The following GLIS3 variants were observed in gnomAD, a reference collection of about 807,000 sequenced individuals.
GLIS3 encodes the protein zinc finger protein GLIS3.
Under a neutral mutation model 78.6 loss-of-function variants are expected in GLIS3, and 53 were observed. That is an observed-to-expected ratio of 0.67 (90% CI 0.54 to 0.85). The LOEUF is 0.85. Ranked by LOEUF, GLIS3 falls within the 40% of genes least tolerant of loss-of-function variation. The probability of loss-of-function intolerance (pLI) is 0.00; values close to 1 mark genes in which losing one functional copy is unlikely to be tolerated. For missense variants in GLIS3, 1,703 were observed against 1,231.1 expected, an observed-to-expected ratio of 1.38 and a Z score of -5.74; for synonymous variants, 684 against 509.9, an observed-to-expected ratio of 1.34 and a Z score of -4.60.
chr9:4,315,072 G>A (rs779840500), intron 2 of GLIS3, among the ~76,000 whole-genome samples: 16 of 152,140 alleles, frequency 1.1e-4, no homozygotes, highest in Non-Finnish European at 2.1e-4. Context: ...GCTCTTCTGT[G>A]TACTGACTCA....
the GLIS3 span, among the ~76,000 whole-genome samples, chr9:4,378,897 A>G: frequency 6.6e-6 from 1 of 152,204 alleles, no homozygotes; most frequent in African/African-American, 2.4e-5. Context: ...TCTATGAGGT[A>G]CATCTGAGCC....
chr9:3,892,795 C>G (rs1270624470), intron 7 of GLIS3, among the ~76,000 whole-genome samples: 1 of 152,118 alleles, frequency 6.6e-6, no homozygotes, highest in Admixed American at 6.6e-5. Flanking sequence ...GGTCTATAAC[C>G]TCTTAACCAT....
chr9:4,394,799 C>A, the GLIS3 span, among the ~76,000 whole-genome samples: 1 of 152,134 alleles, frequency 6.6e-6, no homozygotes, highest in Non-Finnish European at 1.5e-5. Context: ...AAATTATAAC[C>A]TCATAAGCTC....
At chr9:4,284,700 C>G (rs1239798018) in intron 2 of GLIS3, among the ~76,000 whole-genome samples, 1 of 149,634 alleles carries the variant, frequency 6.7e-6, no homozygotes, top group Non-Finnish European at 1.5e-5. Flanking sequence ...CACTTGAGCT[C>G]AGGAGTTGGA....
At chr9:4,168,956 T>C (rs1268043463) in intron 2 of GLIS3, among the ~76,000 whole-genome samples, 1 of 152,240 alleles carries the variant, frequency 6.6e-6, no homozygotes, top group Non-Finnish European at 1.5e-5. Flanking sequence ...AGAAAAAATA[T>C]GAGTTATTTA....
At chr9:4,222,655 AG>A (rs1417001233) in intron 2 of GLIS3, among the ~76,000 whole-genome samples, 1 of 152,220 alleles carries the variant, frequency 6.6e-6, no homozygotes, top group African/African-American at 2.4e-5. Flanking sequence ...TTGGATGTGA[AG>A]GTCAAAGAAC....
chr9:3,923,036 T>C (rs529179347), intron 6 of GLIS3, among the ~76,000 whole-genome samples: 1 of 152,322 alleles, frequency 6.6e-6, no homozygotes, highest in Admixed American at 6.5e-5. Context: ...TCTCTCATGA[T>C]AGCATTTTGG....
chr9:4,112,354 G>A (rs1394284805), intron 4 of GLIS3, among the ~76,000 whole-genome samples: 1 of 152,154 alleles, frequency 6.6e-6, no homozygotes, highest in Non-Finnish European at 1.5e-5. Flanking sequence ...ATTACTGTCA[G>A]GCCATTGAGA....
intron 4 of GLIS3, among the ~76,000 whole-genome samples, chr9:4,116,067 C>G (rs1367307890): frequency 6.6e-6 from 1 of 152,164 alleles, no homozygotes; most frequent in Non-Finnish European, 1.5e-5. Flanking sequence ...AGTTATATGT[C>G]TTTGCAAAGC....
chr9:4,357,241 G>C, the GLIS3 span, among the ~76,000 whole-genome samples: 507 of 152,292 alleles, frequency 3.3e-3, 4 homozygotes, highest in African/African-American at 0.012. Context: ...CTGTGAAGGT[G>C]TTTCTGGATG....
chr9:4,005,829 A>C (rs1425534412), intron 4 of GLIS3, among the ~76,000 whole-genome samples: 1 of 152,244 alleles, frequency 6.6e-6, no homozygotes, highest in African/African-American at 2.4e-5. Flanking sequence ...TGGCTTGCCC[A>C]GAAGAGAATG....
chr9:3,832,005 G>GC (rs984114624), intron 9 of GLIS3, among the ~76,000 whole-genome samples: 63 of 151,760 alleles, frequency 4.2e-4, no homozygotes, highest in African/African-American at 1.5e-3. Flanking sequence ...ATAGTGAAGA[G>GC]CAAGTACTCT....
At chr9:4,457,121 G>C in the GLIS3 span, among the ~76,000 whole-genome samples, 3 of 152,098 alleles carry the variant, frequency 2.0e-5, no homozygotes, top group African/African-American at 4.8e-5. Context: ...TCAGAGCTTT[G>C]GGAGGCTGAG....
intron 2 of GLIS3, among the ~76,000 whole-genome samples, chr9:4,331,892 A>T (rs73386289): frequency 6.6e-6 from 1 of 152,148 alleles, no homozygotes; most frequent in African/African-American, 2.4e-5. Context: ...ACAGGAACAA[A>T]AAGAAATTCA....
At chr9:3,921,791 T>C (rs1345698646) in intron 6 of GLIS3, among the ~76,000 whole-genome samples, 1 of 152,070 alleles carries the variant, frequency 6.6e-6, no homozygotes, top group Non-Finnish European at 1.5e-5. Flanking sequence ...AAATTATCCA[T>C]AAAATAAGAA....
chr9:4,472,645 A>G, the GLIS3 span, among the ~76,000 whole-genome samples: 1 of 152,082 alleles, frequency 6.6e-6, no homozygotes, highest in African/African-American at 2.4e-5. Flanking sequence ...ATTAGGAGAT[A>G]TACCTAATGT....
At chr9:4,328,103 G>A (rs527968466) in intron 2 of GLIS3, among the ~76,000 whole-genome samples, 89 of 152,262 alleles carry the variant, frequency 5.8e-4, no homozygotes, top group African/African-American at 2.0e-3. Flanking sequence ...TGGTCACGTG[G>A]CCCACTGATG....
chr9:4,137,358 A>T (rs1194802898), intron 2 of GLIS3, among the ~76,000 whole-genome samples: 1 of 152,224 alleles, frequency 6.6e-6, no homozygotes, highest in African/African-American at 2.4e-5. Flanking sequence ...CACAAAGAAC[A>T]TAACTTTCAT....
chr9:4,130,125 G>C (rs150419932), intron 2 of GLIS3, among the ~76,000 whole-genome samples: 33 of 152,334 alleles, frequency 2.2e-4, no homozygotes, highest in African/African-American at 7.0e-4. Context: ...AAGAGTTCAA[G>C]ATGTGGCCTG....
Sources: allele counts gnomAD v4.1 joint callset (sites outside exome capture counted in the v4.1 genomes callset), GRCh38; gene constraint gnomAD v4.1.1; transcripts MANE v1.5; gene names NCBI Gene and HGNC (gene_info 2026-07-23, HGNC 2026-07-21).